AFAP1: variants seen among roughly 807,000 people sequenced by gnomAD.
AFAP1 encodes the protein actin filament-associated protein 1.
Under a neutral mutation model 93.9 loss-of-function variants are expected in AFAP1, and 75 were observed. The ratio of observed to expected loss-of-function variants is 0.80; its 90% CI spans 0.66 to 0.97. The LOEUF (loss-of-function observed/expected upper bound fraction) is 0.97. Among genes scored for constraint, AFAP1 ranks in the 50% least tolerant of loss-of-function variants. The pLI, the probability that AFAP1 is intolerant of heterozygous loss-of-function variation, is 0.00. For synonymous variants in AFAP1, 517 were observed against 430.7 expected (o/e 1.20, Z -2.48); for missense variants, 1,201 against 1,050.8 (o/e 1.14, Z -1.98).
chr4:7,840,512 C>A (rs190319263), intron 5 of AFAP1, among the ~76,000 whole-genome samples: 144 of 152,256 alleles, frequency 9.5e-4, no homozygotes, highest in African/African-American at 3.3e-3. Context: ...CAGGGTTTCA[C>A]CAGATTGGCC....
At position 7,763,727 on chromosome 4, in the gene AFAP1, G is replaced by T; in HGVS notation, c.*38C>A. On this transcript the variant is annotated 3_prime_UTR_variant, in exon 18 of 18. Coordinates refer to ENST00000420658, the MANE Select transcript of AFAP1 (RefSeq NM_001134647.2). ...CACAGATGAGGATACAGGCAAGGGG[G>T]TGTGCAGTCTCTGAGGCTGGAGTGG... is the stretch of plus-strand genomic sequence containing the variant. 7.7e-6 allele frequency: 12 copies of T among 1,551,346 alleles called. No homozygotes were observed. Among genetic ancestry groups the T allele is most frequent in the Non-Finnish European group, 1.0e-5 (12 of 1,146,706 alleles).
At chr4:7,794,211 G>C (rs377421113) in intron 10 of AFAP1, among the ~76,000 whole-genome samples, 20 of 152,214 alleles carry the variant, frequency 1.3e-4, no homozygotes, top group African/African-American at 4.8e-4. Context: ...GCTGCTGCCT[G>C]ACTTGGGAAG....
chr4:7,831,453 T>C (rs1024165117), intron 6 of AFAP1, among the ~76,000 whole-genome samples: 1 of 152,026 alleles, frequency 6.6e-6, no homozygotes, highest in Non-Finnish European at 1.5e-5. Flanking sequence ...GTCATCATTC[T>C]ATAATTAGCT....
At chr4:7,826,363 C>G (rs1721422314) in intron 6 of AFAP1, among the ~76,000 whole-genome samples, 1 of 152,194 alleles carries the variant, frequency 6.6e-6, no homozygotes, top group East Asian at 1.9e-4. Flanking sequence ...AGGCAGTTGC[C>G]CTACAGGGGA....
At chr4:7,848,099 A>G (rs796284748) in intron 4 of AFAP1, among the ~76,000 whole-genome samples, 28 of 116,084 alleles carry the variant, frequency 2.4e-4, no homozygotes, top group Admixed American at 3.4e-4. Flanking sequence ...AGGGAAGGAA[A>G]GAAGGAAGGA....
At chr4:7,810,723 T>C (rs1719942068) in intron 8 of AFAP1, among the ~76,000 whole-genome samples, 1 of 152,204 alleles carries the variant, frequency 6.6e-6, no homozygotes, top group South Asian at 2.1e-4. Context: ...GATGGAAGTC[T>C]AGCAACTCTG....
intron 12 of AFAP1, among the ~76,000 whole-genome samples, chr4:7,783,522 A>G (rs1716979470): frequency 6.6e-6 from 1 of 152,212 alleles, no homozygotes; most frequent in African/African-American, 2.4e-5. Flanking sequence ...CACAGAAAAT[A>G]GTTTCAGGAA....
chr4:7,879,111 T>C (rs1717691861), intron 1 of AFAP1, among the ~76,000 whole-genome samples: 1 of 152,282 alleles, frequency 6.6e-6, no homozygotes, highest in Non-Finnish European at 1.5e-5. Context: ...ACTTCCTCAA[T>C]GTACTGAGGA....
chr4:7,844,677 G>A lies in AFAP1; in HGVS notation c.335-1327C>T, dbSNP rs946807511. 4.6e-5 allele frequency among the ~76,000 whole-genome samples: 7 copies of A among 152,338 alleles called. No individual in the cohort carries two copies. The South Asian group carries it at 6.2e-4, about 14-fold the overall frequency. On this transcript the variant is annotated intron_variant, in intron 4 of 17. Transcript: ENST00000420658. ...CCCAAATAACTGTAGAAGGAAGCGC[G>A]TTAAATGTCTTTAAATTAAACTGGC...
At chr4:7,843,428 C>G in intron 4 of AFAP1, 78 bp from the exon 5 acceptor site, 2 of 1,328,180 alleles carry the variant, frequency 1.5e-6, no homozygotes, top group Non-Finnish European at 2.0e-6. Context: ...AGCACGTCCT[C>G]TTATTTTTAA....
chr4:7,902,539 G>A (rs918147451), intron 1 of AFAP1, among the ~76,000 whole-genome samples: 6 of 151,960 alleles, frequency 3.9e-5, no homozygotes, highest in East Asian at 3.8e-4. Flanking sequence ...TGCTGTTTCC[G>A]AATCTCCTTC....
chr4:7,794,317 T>C (rs16841288), intron 10 of AFAP1, among the ~76,000 whole-genome samples: 18,288 of 152,198 alleles, frequency 0.12, 1,319 homozygotes, highest in East Asian at 0.28. Context: ...GGTCATTTAG[T>C]TTCTTGATTA....
In AFAP1 at chr4:7,840,305, G is replaced by GGGGT. The variant is rs201317810; in HGVS notation, c.547-1603_547-1602insACCC. ...GTGTGTGTTCCTGGTTTGTTTTTGGGGTGTGTGTGTGTGTGTGTGTGTGTT... is the reference window on the plus strand; with the variant it reads ...GTGTGTGTTCCTGGTTTGTTTTTGGGGGGTGTGTGTGTGTGTGTGTGTGTGTGTT... On this transcript the variant is annotated intron_variant, in intron 5 of 17. Transcript: ENST00000420658. Among the ~76,000 whole-genome samples, 4 of 131,282 alleles carry GGGGT rather than the reference G, an allele frequency of 3.0e-5. No individual in the cohort carries two copies. In the East Asian group the frequency reaches 6.0e-4, roughly 20 times the overall value. The allele number at this position is 131,282 out of a possible 152,430, so 86.1% of individuals were successfully genotyped here.
rs368353828 is a variant in AFAP1, at chr4:7,855,483, G to A, written c.317C>T (p.Pro106Leu). The change falls in exon 4 of 18, where the codon CCG becomes CTG. Residue 106 changes from proline to leucine, a missense_variant. Coordinates refer to ENST00000420658, the MANE Select transcript of AFAP1 (RefSeq NM_001134647.2). ...CCACTCACTTGATGTGATGTATTCCGGAGCTTTTCCGGGGCTCAGCGGCAC... is the reference window on the plus strand; with the variant it reads ...CCACTCACTTGATGTGATGTATTCCAGAGCTTTTCCGGGGCTCAGCGGCAC... ...EAVPLSPGKA[P>L]EYITSNYDSD... 8.5e-5 allele frequency: 137 copies of A among 1,611,050 alleles called. No homozygotes were observed. The highest frequency in any genetic ancestry group is 1.1e-4 in the Non-Finnish European group (126 of 1,178,166).
intron 1 of AFAP1, among the ~76,000 whole-genome samples, chr4:7,925,418 A>T (rs907958073): frequency 2.6e-5 from 4 of 152,198 alleles, no homozygotes; most frequent in Non-Finnish European, 5.9e-5. Flanking sequence ...CACTTTAGCA[A>T]TTACGTGGCC....
chr4:7,842,552 G>A (rs1713171852), intron 5 of AFAP1: 1 of 152,022 alleles, frequency 6.6e-6, no homozygotes, highest in Admixed American at 6.6e-5. Context: ...AGGAGGAAGG[G>A]ACGCCACACC....
At chr4:7,917,152 C>A (rs923288267) in intron 1 of AFAP1, among the ~76,000 whole-genome samples, 12 of 152,100 alleles carry the variant, frequency 7.9e-5, no homozygotes, top group African/African-American at 2.9e-4. Context: ...TTCATGTAGC[C>A]CGCCTGGCGC....
intron 9 of AFAP1, among the ~76,000 whole-genome samples, chr4:7,806,265 C>T (rs796900738): frequency 2.6e-4 from 40 of 152,318 alleles, no homozygotes; most frequent in African/African-American, 9.4e-4. Flanking sequence ...CTGCAATCCT[C>T]GCCACATTAA....
intron 11 of AFAP1, among the ~76,000 whole-genome samples, chr4:7,790,980 A>G (rs189188708): frequency 4.8e-4 from 73 of 152,338 alleles, no homozygotes; most frequent in Admixed American, 1.4e-3. Context: ...GGGCCAAGTT[A>G]TCTTCACTTT....
Sources: gnomAD v4.1 joint callset for allele counts (sites outside exome capture counted in the v4.1 genomes callset) on GRCh38, gnomAD v4.1.1 for gene constraint, MANE v1.5 for transcripts, NCBI Gene and HGNC (gene_info 2026-07-23, HGNC 2026-07-21) for gene names.